The following CATSPER2 variants were observed in gnomAD, a reference collection of about 807,000 sequenced individuals.
CATSPER2 encodes the protein cation channel sperm-associated protein 2.
CATSPER2 carries 56 observed loss-of-function variants against 68.8 expected under a neutral mutation model. The ratio of observed to expected loss-of-function variants is 0.81; its 90% CI spans 0.66 to 1.02. CATSPER2 has a LOEUF of 1.02. Among genes scored for constraint, CATSPER2 ranks in the 50% least tolerant of loss-of-function variants. The probability of loss-of-function intolerance (pLI) is 0.00; values close to 1 mark genes in which losing one functional copy is unlikely to be tolerated. For synonymous variants in CATSPER2, 198 were observed against 229.9 expected (o/e 0.86, Z 1.26); for missense variants, 582 against 642.0 (o/e 0.91, Z 1.01).
rs190482876 is a variant in CATSPER2 at position 43,632,151 on chromosome 15, C to A, written c.1561+48G>T. On this transcript the variant is annotated intron_variant, in intron 12 of 12. Transcript: ENST00000396879. ...CCTCCTCCTTCTCCACAGCTATAAA[C>A]GCTATATATATATTCCCATGGTCCC... The A allele has an allele frequency of 2.1e-6, 3 of 1,456,618 alleles. No homozygotes were observed. In the South Asian group the frequency reaches 3.5e-5, roughly 17 times the overall value. The allele number at this position is 1,456,618 out of a possible 1,614,324, so 90.2% of individuals were successfully genotyped here.
chr15:43,643,758 C>A (rs1323485026), intron 4 of CATSPER2, among the ~76,000 whole-genome samples: 3 of 151,986 alleles, frequency 2.0e-5, no homozygotes, highest in Non-Finnish European at 4.4e-5. Context: ...GCACATCAAA[C>A]CCTCTCTAGT....
intron 7 of CATSPER2, among the ~76,000 whole-genome samples, chr15:43,638,259 C>T (rs2086000937): frequency 7.0e-6 from 1 of 143,382 alleles, no homozygotes; most frequent in African/African-American, 2.8e-5. Context: ...CAGCCTATTC[C>T]CATTTTTCTT....
At chr15:43,633,644 A>T (rs2085914079) in intron 10 of CATSPER2, 1 of 152,816 alleles carries the variant, frequency 6.5e-6, no homozygotes, top group African/African-American at 2.4e-5. Flanking sequence ...ACCCTGTTTA[A>T]AACTACAACC....
intron 2 of CATSPER2, 100 bp from the exon 3 acceptor site, chr15:43,647,567 T>A (rs557984480): frequency 9.3e-7 from 1 of 1,077,396 alleles, no homozygotes; most frequent in African/African-American, 1.6e-5. Context: ...GTTCCCCTAA[T>A]GCCTTACTGC....
rs756718328 is a variant in CATSPER2, at chr15:43,635,741, C to A, written c.1107G>T (p.Arg369=). 1 of 1,612,868 alleles carries A rather than the reference C, an allele frequency of 6.2e-7. No individual in the cohort carries two copies. The highest frequency in any genetic ancestry group is 1.3e-5 in the African/African-American group (1 of 74,810). Residue 369 remains arginine (R), a synonymous_variant, in exon 9 of 13, where the codon CGG becomes CGT. Transcript: ENST00000396879. The stretch of plus-strand genomic sequence containing the variant: ...GAGAAGCAGACCTCTGGATGATCTG[C>A]CGCTTGAACATGTCAGCTTTGAGCT... The part of the protein sequence containing the change: ...EVQLKADMFK[R]QIIQRRKNMS...
rs371904029 is a variant in CATSPER2, at chr15:43,635,742, C to T, written c.1106G>A (p.Arg369Gln). Residue 369 changes from arginine to glutamine, a missense_variant, in exon 9 of 13, where the codon CGG becomes CAG. Arg to Gln is a conservative substitution (Grantham distance 43). Coordinates refer to ENST00000396879, the MANE Select transcript of CATSPER2 (RefSeq NM_172095.4). ...AGAAGCAGACCTCTGGATGATCTGC[C>T]GCTTGAACATGTCAGCTTTGAGCTG... ...EVQLKADMFK[R>Q]QIIQRRKNMS... 1.1e-4 allele frequency: 170 copies of T among 1,612,864 alleles called. 1 individual carries two copies. The South Asian group carries it at 1.5e-3, about 15-fold the overall frequency.
Position 43,648,816 on chromosome 15 carries a change from A to G in CATSPER2, c.-190T>C, listed in dbSNP as rs1327609668. 1.3e-5 allele frequency: 20 copies of G among 1,530,316 alleles called. No individual in the cohort carries two copies. The highest frequency in any genetic ancestry group is 5.0e-5 in the East Asian group (2 of 40,146). The allele number at this position is 1,530,316 out of a possible 1,614,324, so 94.8% of individuals were successfully genotyped here. Reference sequence around the variant, plus strand: ...ACCCCGGGACCCGGCCCTAGCCCCTACCCACAGCCCAGGACCATGCGGAGC... The same window carrying G: ...ACCCCGGGACCCGGCCCTAGCCCCTGCCCACAGCCCAGGACCATGCGGAGC... On this transcript the variant is annotated 5_prime_UTR_variant, in exon 1 of 13. It removes the in-frame stop codon of an upstream open reading frame in the 5' UTR. Coordinates refer to ENST00000396879, the MANE Select transcript of CATSPER2 (RefSeq NM_172095.4).
chr15:43,646,575 T>G (rs959755167), intron 4 of CATSPER2, among the ~76,000 whole-genome samples: 4 of 151,402 alleles, frequency 2.6e-5, no homozygotes, highest in African/African-American at 4.9e-5. Context: ...TTTCTAGATT[T>G]TAGCAGTTGC....
chr15:43,632,096 G>C, intron 12 of CATSPER2, 103 bp downstream of exon 12: 1 of 1,306,016 alleles, frequency 7.7e-7, no homozygotes, highest in East Asian at 2.3e-5. Flanking sequence ...GGCAGAAATT[G>C]AGAAGCTGAG....
chr15:43,638,286 C>CTTTTTT (rs71460446), intron 7 of CATSPER2, among the ~76,000 whole-genome samples: 43 of 81,824 alleles, frequency 5.3e-4, no homozygotes, highest in East Asian at 1.2e-3. Context: ...TTCTTTCTTT[C>CTTTTTT]TTTTTTTTTT....
At chr15:43,641,546 C>T (rs952591294) in intron 4 of CATSPER2, among the ~76,000 whole-genome samples, 1 of 151,136 alleles carries the variant, frequency 6.6e-6, no homozygotes, top group East Asian at 1.9e-4. Context: ...TTATAATAGG[C>T]TTAAGAGCTA....
Position 43,630,445 on chromosome 15 carries a change from C to T in CATSPER2, c.*256G>A, listed in dbSNP as rs1418977343. On this transcript the variant is annotated 3_prime_UTR_variant, in exon 13 of 13. Transcript: ENST00000396879. ...TCTTGGCTCACTGCAACCTCTGACT[C>T]CCAGGTTCAAGTGATTCTCCTGCCT... 37 of 624,166 alleles carry T rather than the reference C, an allele frequency of 5.9e-5. 2 individuals are homozygous for T. In the East Asian group the frequency reaches 1.3e-3, roughly 22 times the overall value. 38.7% of individuals were successfully genotyped at this position (624,166 alleles called of 1,614,324 possible).
intron 1 of CATSPER2, among the ~76,000 whole-genome samples, chr15:43,648,377 A>T (rs1269444637): frequency 6.6e-6 from 1 of 152,026 alleles, no homozygotes; most frequent in Admixed American, 6.5e-5. Flanking sequence ...AAGAAAAAGG[A>T]GCAGCCACAA....
intron 12 of CATSPER2, among the ~76,000 whole-genome samples, chr15:43,630,958 G>A (rs2085860557): frequency 6.6e-6 from 1 of 151,984 alleles, no homozygotes; most frequent in African/African-American, 2.4e-5. Context: ...CCTCCCTAGA[G>A]AATAAGTGGG....
intron 7 of CATSPER2, among the ~76,000 whole-genome samples, chr15:43,637,996 C>T (rs149820998): frequency 2.6e-4 from 39 of 150,916 alleles, no homozygotes; most frequent in African/African-American, 9.5e-4. Context: ...TCTTTGTTGC[C>T]CAGGCTGGAG....
At chr15:43,648,554 T>A (rs1270607498) in intron 1 of CATSPER2, 75 bp downstream of exon 1, 2 of 1,297,640 alleles carry the variant, frequency 1.5e-6, no homozygotes, top group Non-Finnish European at 2.0e-6. Context: ...ATGGGTCCCG[T>A]CCCAAGTGTG....
chr15:43,640,055 G>A (rs1257914261), intron 5 of CATSPER2: 2 of 1,439,200 alleles, frequency 1.4e-6, no homozygotes, highest in East Asian at 5.1e-5. Flanking sequence ...GATAATGTAA[G>A]GAAAACACTT....
At chr15:43,638,144 AG>A (rs1185520456) in intron 7 of CATSPER2, among the ~76,000 whole-genome samples, 4 of 150,990 alleles carry the variant, frequency 2.6e-5, no homozygotes, top group Admixed American at 6.6e-5. Flanking sequence ...TAGTAGAGAC[AG>A]GGTTTCACCA....
At chr15:43,646,293 C>CTT (rs55748592) in intron 4 of CATSPER2, among the ~76,000 whole-genome samples, 31,260 of 147,032 alleles carry the variant, frequency 0.21, 5,220 homozygotes, top group African/African-American at 0.46. Flanking sequence ...ATTAATATTT[C>CTT]TTTTTTTTTT....
Sources: allele counts gnomAD v4.1 joint callset (sites outside exome capture counted in the v4.1 genomes callset), GRCh38; gene constraint gnomAD v4.1.1; transcripts MANE v1.5; gene names NCBI Gene and HGNC (gene_info 2026-07-23, HGNC 2026-07-21).